PPARGC1B: variants seen among roughly 807,000 people sequenced by gnomAD.
PPARGC1B encodes the protein peroxisome proliferator-activated receptor gamma coactivator 1-beta.
PPARGC1B carries 34 observed loss-of-function variants against 101.6 expected under a neutral mutation model. The observed-to-expected ratio is 0.33, with a 90% CI of 0.25 to 0.45. The LOEUF (loss-of-function observed/expected upper bound fraction) is 0.45, where lower values mean the gene tolerates loss of function less well. Among genes scored for constraint, PPARGC1B ranks in the 20% least tolerant of loss-of-function variants. The probability of loss-of-function intolerance (pLI) is 1.00; values close to 1 mark genes in which losing one functional copy is unlikely to be tolerated. For missense variants in PPARGC1B, 1,234 were observed against 1,317.6 expected (o/e 0.94, Z 0.98); for synonymous variants, 548 against 539.3 (o/e 1.02, Z -0.22).
chr5:149,757,146 C>T (rs912416830), intron 1 of PPARGC1B, among the ~76,000 whole-genome samples: 4 of 152,154 alleles, frequency 2.6e-5, no homozygotes, highest in South Asian at 2.1e-4. Flanking sequence ...GCGGTCCAGA[C>T]GCCTCTCTGC....
intron 1 of PPARGC1B, among the ~76,000 whole-genome samples, chr5:149,731,902 C>T (rs980139965): frequency 9.9e-5 from 15 of 152,196 alleles, no homozygotes; most frequent in African/African-American, 2.9e-4. Flanking sequence ...CTGCAGACGC[C>T]GCTGCGTAGG....
In PPARGC1B at chr5:149,734,593, G is replaced by A. The variant is rs550372736; in HGVS notation, c.78+4173G>A. ...TTGCTATTGTAAGCAATGCTAAAAC[G>A]AATATCTTTTTATGTATGTCTTTGT... is the stretch of plus-strand genomic sequence containing the variant. On this transcript the variant is annotated intron_variant, in intron 1 of 11. Transcript: ENST00000309241. Among the ~76,000 whole-genome samples, 9 of 152,044 alleles carry A rather than the reference G, an allele frequency of 5.9e-5. No individual in the cohort carries two copies. The East Asian group carries it at 1.5e-3, about 26-fold the overall frequency.
At chr5:149,799,361 AC>A (rs151040318) in intron 1 of PPARGC1B, among the ~76,000 whole-genome samples, 1 of 151,936 alleles carries the variant, frequency 6.6e-6, no homozygotes, top group Non-Finnish European at 1.5e-5. Context: ...TCTCCTCCCC[AC>A]CCCTAAGCTC....
chr5:149,786,187 G>A (rs1161729948), intron 1 of PPARGC1B, among the ~76,000 whole-genome samples: 4 of 152,050 alleles, frequency 2.6e-5, no homozygotes, highest in African/African-American at 7.2e-5. Flanking sequence ...TCTCCTCCTG[G>A]GTTCAAGCAA....
intron 1 of PPARGC1B, among the ~76,000 whole-genome samples, chr5:149,751,989 A>C (rs1245012248): frequency 6.6e-6 from 1 of 152,210 alleles, no homozygotes; most frequent in Non-Finnish European, 1.5e-5. Context: ...TGTATAATGG[A>C]TCTGAAAGCA....
At chr5:149,736,299 A>G (rs541553680) in intron 1 of PPARGC1B, among the ~76,000 whole-genome samples, 1 of 152,310 alleles carries the variant, frequency 6.6e-6, no homozygotes, top group East Asian at 1.9e-4. Flanking sequence ...GAAAGTTGGA[A>G]TAATTCTCTC....
Position 149,848,545 on chromosome 5 carries a change from G to A in PPARGC1B, c.*987G>A, listed in dbSNP as rs544509993. 15 of 152,312 alleles carry A rather than the reference G, an allele frequency of 9.8e-5. No individual in the cohort carries two copies. The highest frequency in any genetic ancestry group is 9.2e-4 in the Admixed American group (14 of 15,296). 9.4% of individuals were successfully genotyped at this position (152,312 alleles called of 1,614,324 possible). Reference sequence around the variant, plus strand: ...GTGAGTTCGGCTAAATTGGGCACCGGGCTAGAAGCCTAAGGGCTCATTTTA... The same window carrying A: ...GTGAGTTCGGCTAAATTGGGCACCGAGCTAGAAGCCTAAGGGCTCATTTTA... On this transcript the variant is annotated 3_prime_UTR_variant, in exon 12 of 12. Transcript: ENST00000309241.
chr5:149,792,033 C>T (rs1166011300), intron 1 of PPARGC1B, among the ~76,000 whole-genome samples: 1 of 151,982 alleles, frequency 6.6e-6, no homozygotes, highest in African/African-American at 2.4e-5. Flanking sequence ...CAAAGGGTGT[C>T]CCCCAGGCAA....
intron 5 of PPARGC1B, 128 bp from the exon 6 acceptor site, chr5:149,834,546 T>A: frequency 1.4e-6 from 1 of 715,148 alleles, no homozygotes; most frequent in Non-Finnish European, 2.4e-6. Flanking sequence ...GTGGCAGAGG[T>A]GTTTGGTCAC....
chr5:149,747,921 G>A (rs1046153443), intron 1 of PPARGC1B, among the ~76,000 whole-genome samples: 1 of 152,170 alleles, frequency 6.6e-6, no homozygotes, highest in African/African-American at 2.4e-5. Context: ...GCAGGCCCAG[G>A]TTGGTGAATC....
At chr5:149,796,999 G>GCTTAT (rs1757245895) in intron 1 of PPARGC1B, among the ~76,000 whole-genome samples, 1 of 152,220 alleles carries the variant, frequency 6.6e-6, no homozygotes, top group Non-Finnish European at 1.5e-5. Flanking sequence ...TCTAACTGCA[G>GCTTAT]CTTATCCCTC....
At chr5:149,773,219 G>A (rs534038727) in intron 1 of PPARGC1B, among the ~76,000 whole-genome samples, 152 of 152,344 alleles carry the variant, frequency 1.0e-3, no homozygotes, top group African/African-American at 3.5e-3. Flanking sequence ...TGCTGTGGTC[G>A]TGTCTTGTGC....
chr5:149,733,924 GAA>G (rs1242894858), intron 1 of PPARGC1B, among the ~76,000 whole-genome samples: 2 of 151,974 alleles, frequency 1.3e-5, no homozygotes, highest in Non-Finnish European at 2.9e-5. Context: ...CAAGCATAAA[GAA>G]AAAAATGAGA....
At chr5:149,834,816 G>A in intron 6 of PPARGC1B, 106 bp downstream of exon 6, 3 of 1,004,662 alleles carry the variant, frequency 3.0e-6, no homozygotes, top group Admixed American at 3.7e-5. Flanking sequence ...CCTGGCCCCG[G>A]CCCCACACCC....
intron 3 of PPARGC1B, 31 bp downstream of exon 3, chr5:149,826,916 T>C: frequency 6.6e-7 from 1 of 1,526,194 alleles, no homozygotes; most frequent in Non-Finnish European, 9.0e-7. Context: ...GAAGTGATGG[T>C]TGCAGCCTGG....
chr5:149,830,141 C>T (rs945035721), intron 3 of PPARGC1B, among the ~76,000 whole-genome samples: 2 of 150,474 alleles, frequency 1.3e-5, no homozygotes, highest in African/African-American at 4.9e-5. Context: ...GATAGGTTCA[C>T]CGAAAAGTAG....
At chr5:149,742,992 A>G (rs1754963394) in intron 1 of PPARGC1B, among the ~76,000 whole-genome samples, 1 of 152,020 alleles carries the variant, frequency 6.6e-6, no homozygotes, top group Non-Finnish European at 1.5e-5. Flanking sequence ...TGGTGCCCTC[A>G]TAGCCAAGAT....
At chr5:149,811,984 C>T (rs78814834) in intron 1 of PPARGC1B, among the ~76,000 whole-genome samples, 11,548 of 152,242 alleles carry the variant, frequency 0.076, 588 homozygotes, top group Admixed American at 0.15. Context: ...AGATCCACTC[C>T]CGCCAGACCT....
At chr5:149,846,041 T>G in intron 11 of PPARGC1B, 127 bp downstream of exon 11, 1 of 1,129,164 alleles carries the variant, frequency 8.9e-7, no homozygotes, top group Non-Finnish European at 1.3e-6. Flanking sequence ...CCCAGTGTGC[T>G]GCTTGGTATA....
Sources: gnomAD v4.1 joint callset for allele counts (sites outside exome capture counted in the v4.1 genomes callset) on GRCh38, gnomAD v4.1.1 for gene constraint, MANE v1.5 for transcripts, NCBI Gene and HGNC (gene_info 2026-07-23, HGNC 2026-07-21) for gene names.